The following GPR149 variants were observed in gnomAD, a reference collection of about 807,000 sequenced individuals.
GPR149 encodes the protein G protein-coupled receptor 149.
In GPR149, 50 loss-of-function variants were observed where a neutral mutation model predicts 50.2. The observed-to-expected ratio is 1.00, with a 90% CI of 0.79 to 1.26. GPR149 has a LOEUF of 1.26. Among genes scored for constraint, GPR149 ranks in the 50% most tolerant of loss-of-function variants. The probability of loss-of-function intolerance (pLI) is 0.00; values close to 1 mark genes in which losing one functional copy is unlikely to be tolerated. For missense variants in GPR149, 983 were observed against 895.4 expected, an observed-to-expected ratio of 1.10 and a Z score of -1.25; for synonymous variants, 405 against 358.2, an observed-to-expected ratio of 1.13 and a Z score of -1.48.
chr3:154,383,214 A>T (rs1315655979), intron 3 of GPR149, among the ~76,000 whole-genome samples: 1 of 152,160 alleles, frequency 6.6e-6, no homozygotes, highest in Non-Finnish European at 1.5e-5. Flanking sequence ...AAATGAGTTG[A>T]CCCAGCTGTG....
chr3:154,403,554 A>C, intron 3 of GPR149, among the ~76,000 whole-genome samples: 1 of 152,170 alleles, frequency 6.6e-6, no homozygotes, highest in East Asian at 1.9e-4. Flanking sequence ...TTCTTTAAAA[A>C]AGTATAGAAA....
Position 154,419,003 on chromosome 3 carries a change from A to G in GPR149, c.1623+2036T>C, listed in dbSNP as rs1576929976. 2.0e-5 allele frequency among the ~76,000 whole-genome samples: 3 copies of G among 152,000 alleles called. No homozygotes were observed. In the East Asian group the frequency reaches 5.8e-4, roughly 29 times the overall value. On this transcript the variant is annotated intron_variant, in intron 3 of 3. Coordinates refer to ENST00000389740, the MANE Select transcript of GPR149 (RefSeq NM_001038705.3). ...TCTTCCTGTTGTTTTAAAATTTATG[A>G]TAGTATTTTATTTAATTTTAATTAG...
At chr3:154,365,753 G>A (rs1714518409) in intron 3 of GPR149, among the ~76,000 whole-genome samples, 1 of 152,160 alleles carries the variant, frequency 6.6e-6, no homozygotes, top group Non-Finnish European at 1.5e-5. Context: ...TTGTAACAAA[G>A]ATGACCTTTC....
chr3:154,340,774 C>A (rs1046795865), intron 3 of GPR149, among the ~76,000 whole-genome samples: 3 of 152,068 alleles, frequency 2.0e-5, no homozygotes, highest in Non-Finnish European at 4.4e-5. Flanking sequence ...CAGGCTGGAG[C>A]GCAATGGCGC....
intron 2 of GPR149, among the ~76,000 whole-genome samples, chr3:154,425,259 T>C (rs1207847115): frequency 6.6e-6 from 1 of 152,032 alleles, no homozygotes; most frequent in Non-Finnish European, 1.5e-5. Context: ...CTATGATAAA[T>C]ATGTTAGGAA....
chr3:154,371,907 C>T (rs947699042), intron 3 of GPR149, among the ~76,000 whole-genome samples: 6 of 151,820 alleles, frequency 4.0e-5, no homozygotes, highest in African/African-American at 1.2e-4. Context: ...TCCTCAGGAT[C>T]GAGGCCATCA....
chr3:154,383,879 CG>C (rs1422546612), intron 3 of GPR149, among the ~76,000 whole-genome samples: 1 of 151,974 alleles, frequency 6.6e-6, no homozygotes, highest in Non-Finnish European at 1.5e-5. Context: ...CTCTACCATG[CG>C]ACGACACAGT....
chr3:154,379,411 T>C (rs1157003253), intron 3 of GPR149, among the ~76,000 whole-genome samples: 1 of 152,082 alleles, frequency 6.6e-6, no homozygotes, highest in Non-Finnish European at 1.5e-5. Context: ...TATTTATTTA[T>C]TTACTTTGAT....
intron 3 of GPR149, among the ~76,000 whole-genome samples, chr3:154,350,188 C>T (rs1356009460): frequency 6.6e-6 from 1 of 151,498 alleles, no homozygotes; most frequent in Non-Finnish European, 1.5e-5. Context: ...AGAGTGAAAC[C>T]CTGTCTCAAA....
chr3:154,382,171 G>A (rs571767174), intron 3 of GPR149, among the ~76,000 whole-genome samples: 8 of 152,324 alleles, frequency 5.3e-5, no homozygotes, highest in Non-Finnish European at 8.8e-5. Flanking sequence ...AGCACAGGCT[G>A]TTGGTTCTGT....
intron 3 of GPR149, among the ~76,000 whole-genome samples, chr3:154,350,369 A>G (rs1279721188): frequency 6.6e-6 from 1 of 152,212 alleles, no homozygotes; most frequent in Non-Finnish European, 1.5e-5. Flanking sequence ...TATAAGATAC[A>G]TGTACAAAAT....
At chr3:154,366,720 A>G (rs1353140503) in intron 3 of GPR149, among the ~76,000 whole-genome samples, 3 of 152,222 alleles carry the variant, frequency 2.0e-5, no homozygotes, top group African/African-American at 7.2e-5. Flanking sequence ...AAGCCCTGGC[A>G]TTGAGATGTC....
chr3:154,382,291 C>T (rs1714944621), intron 3 of GPR149, among the ~76,000 whole-genome samples: 1 of 152,156 alleles, frequency 6.6e-6, no homozygotes. Flanking sequence ...AATGGTGTTT[C>T]AGTCACATAA....
chr3:154,353,893 C>A, intron 3 of GPR149: 1 of 563,270 alleles, frequency 1.8e-6, no homozygotes, highest in South Asian at 1.9e-5. Flanking sequence ...GCTTTACAGT[C>A]TCTTCAGAAA....
chr3:154,397,838 T>C (rs6762664), intron 3 of GPR149, among the ~76,000 whole-genome samples: 99,260 of 151,948 alleles, frequency 0.65, 32,747 homozygotes, highest in East Asian at 0.8. Context: ...TATACCTTAG[T>C]TATTTAATTT....
chr3:154,387,919 AAAT>A (rs1376080326), intron 3 of GPR149, among the ~76,000 whole-genome samples: 1 of 152,178 alleles, frequency 6.6e-6, no homozygotes, highest in Non-Finnish European at 1.5e-5. Flanking sequence ...AAAACTGAAA[AAAT>A]AATAAGACAA....
chr3:154,384,590 T>C (rs1180859131), intron 3 of GPR149, among the ~76,000 whole-genome samples: 1 of 152,210 alleles, frequency 6.6e-6, no homozygotes, highest in African/African-American at 2.4e-5. Flanking sequence ...GAAAAAGACC[T>C]GAGGCTATTT....
At chr3:154,344,352 A>C (rs73872822) in intron 3 of GPR149, among the ~76,000 whole-genome samples, 5,408 of 152,312 alleles carry the variant, frequency 0.036, 323 homozygotes, top group African/African-American at 0.12. Flanking sequence ...CTTCAAAAAG[A>C]GACTTCAAAA....
At chr3:154,374,120 CAA>C (rs1023409156) in intron 3 of GPR149, among the ~76,000 whole-genome samples, 18 of 149,936 alleles carry the variant, frequency 1.2e-4, no homozygotes, top group Non-Finnish European at 2.4e-4. Context: ...AAGTGACCAA[CAA>C]AAGTCTTTTT....
Sources: allele counts gnomAD v4.1 joint callset (sites outside exome capture counted in the v4.1 genomes callset), GRCh38; gene constraint gnomAD v4.1.1; transcripts MANE v1.5; gene names NCBI Gene and HGNC (gene_info 2026-07-23, HGNC 2026-07-21).